The following SIMC1 variants were observed in gnomAD, a reference collection of about 807,000 sequenced individuals.
SIMC1 encodes SUMO interacting motifs containing 1, also known as SUMO-interacting motif-containing protein 1.
Under a neutral mutation model 82.3 loss-of-function variants are expected in SIMC1, and 55 were observed. The observed-to-expected ratio is 0.67, with a 90% CI of 0.54 to 0.84. SIMC1 has a LOEUF of 0.84. SIMC1 is among the 40% of genes least tolerant of loss of function. The pLI is 0.00. For synonymous variants in SIMC1, 353 were observed against 426.3 expected, an observed-to-expected ratio of 0.83 and a Z score of 2.12; for missense variants, 915 against 1,107.2, an observed-to-expected ratio of 0.83 and a Z score of 2.46.
At chr5:176,277,386 C>CA (rs1561686602) in intron 1 of SIMC1, among the ~76,000 whole-genome samples, 1 of 151,666 alleles carries the variant, frequency 6.6e-6, no homozygotes, top group Non-Finnish European at 1.5e-5. Context: ...AATTTTCTCC[C>CA]ATTTTGTAGG....
intron 1 of SIMC1, among the ~76,000 whole-genome samples, chr5:176,284,359 A>C (rs568875251): frequency 6.6e-6 from 1 of 152,372 alleles, no homozygotes; most frequent in Admixed American, 6.5e-5. Flanking sequence ...AGAACTCAGG[A>C]TTAAGAAACT....
intron 4 of SIMC1, 52 bp downstream of exon 4, chr5:176,296,372 A>C (rs1763816954): frequency 1.2e-6 from 2 of 1,612,780 alleles, no homozygotes; most frequent in African/African-American, 1.3e-5. Flanking sequence ...TTAACTATAA[A>C]GAAAAGTGAT....
At chr5:176,294,135 AG>A (rs1763702340) in intron 2 of SIMC1, among the ~76,000 whole-genome samples, 1 of 152,194 alleles carries the variant, frequency 6.6e-6, no homozygotes, top group Admixed American at 6.5e-5. Context: ...AAATCAACCT[AG>A]GCTACCTGTT....
At chr5:176,292,670 G>T (rs551643346) in intron 2 of SIMC1, among the ~76,000 whole-genome samples, 3 of 151,784 alleles carry the variant, frequency 2.0e-5, no homozygotes, top group African/African-American at 7.3e-5. Context: ...ACAGCCTCCC[G>T]CGTAGCTGGG....
At chr5:176,253,499 C>G (rs1461320985) in intron 1 of SIMC1, among the ~76,000 whole-genome samples, 1 of 152,130 alleles carries the variant, frequency 6.6e-6, no homozygotes, top group African/African-American at 2.4e-5. Context: ...CAGGCATGAG[C>G]CACTGTGCCT....
Position 176,290,956 on chromosome 5 carries a change from G to T in SIMC1, c.1431+1G>T. 6.4e-7 allele frequency: 1 copy of T among 1,567,354 alleles called. No individual in the cohort carries two copies. Among genetic ancestry groups the T allele is most frequent in the South Asian group, 1.2e-5 (1 of 82,666 alleles). On this transcript the variant is annotated splice_donor_variant, in intron 2 of 9. Transcript: ENST00000429602. LOFTEE classifies it high-confidence loss of function. Reference sequence around the variant, plus strand: ...AATACCGGATAAAGACACAAGAGAGGTGAGCTAACATCTTCCCTCAGGGAT... The same window carrying T: ...AATACCGGATAAAGACACAAGAGAGTTGAGCTAACATCTTCCCTCAGGGAT...
At chr5:176,245,341 C>T (rs1482899651) in intron 1 of SIMC1, among the ~76,000 whole-genome samples, 1 of 152,120 alleles carries the variant, frequency 6.6e-6, no homozygotes, top group Non-Finnish European at 1.5e-5. Flanking sequence ...CTGGCGACAT[C>T]AGGAGCTAAG....
At position 176,290,798 on chromosome 5, in the gene SIMC1, C is replaced by T. The variant is rs571099671; in HGVS notation, c.1274C>T (p.Ser425Leu). ...CCAGCCAGAAAAGAAATATCACTGT[C>T]AGAGCCTGCCAAACCTGGGTCTGCC... The part of the protein sequence containing the change: ...ETPARKEISL[S>L]EPAKPGSAHV... Residue 425 changes from serine to leucine, a missense_variant, in exon 2 of 10, where the codon TCA becomes TTA. Around this residue, in one of 2 missense-constraint regions of SIMC1, gnomAD observed 902 missense variants for 1,040.3 expected, o/e 0.87. Coordinates refer to ENST00000429602, the MANE Select transcript of SIMC1 (RefSeq NM_001308195.2). 7 of 1,613,432 alleles carry T rather than the reference C, an allele frequency of 4.3e-6. No homozygotes were observed. In the Admixed American group the frequency reaches 8.3e-5, roughly 19 times the overall value.
intron 5 of SIMC1, among the ~76,000 whole-genome samples, chr5:176,320,293 G>T (rs1263036872): frequency 3.3e-5 from 5 of 151,740 alleles, no homozygotes; most frequent in Admixed American, 1.3e-4. Context: ...AAGTTCTAGA[G>T]GTCTAAAAAT....
intron 1 of SIMC1, among the ~76,000 whole-genome samples, chr5:176,282,055 A>G (rs892629316): frequency 8.5e-5 from 13 of 152,376 alleles, no homozygotes; most frequent in Middle Eastern, 3.4e-3. Context: ...AGAGGCAGGC[A>G]GGCCTCCTTG....
At chr5:176,335,273 C>CTTTTTT (rs1225021593) in intron 7 of SIMC1, among the ~76,000 whole-genome samples, 6 of 98,654 alleles carry the variant, frequency 6.1e-5, no homozygotes, top group African/African-American at 7.8e-5. Flanking sequence ...TTCTTTGTAT[C>CTTTTTT]TTTTTTTTTT....
intron 1 of SIMC1, among the ~76,000 whole-genome samples, chr5:176,289,415 G>GA (rs373469647): frequency 4.9e-3 from 708 of 144,546 alleles, no homozygotes; most frequent in South Asian, 0.013. Context: ...CCTTGGACCA[G>GA]AAAAAAAAAA....
At chr5:176,255,970 G>A (rs1436967257) in intron 1 of SIMC1, among the ~76,000 whole-genome samples, 4 of 152,098 alleles carry the variant, frequency 2.6e-5, no homozygotes, top group African/African-American at 9.7e-5. Flanking sequence ...CCAAAAGGCA[G>A]AAATGTCTGA....
intron 1 of SIMC1, among the ~76,000 whole-genome samples, chr5:176,243,307 A>G (rs1489281652): frequency 6.6e-6 from 1 of 152,164 alleles, no homozygotes; most frequent in Non-Finnish European, 1.5e-5. Flanking sequence ...AACAAAACCA[A>G]AAGTTTGGAG....
chr5:176,330,318 T>C (rs1241427827), intron 7 of SIMC1, among the ~76,000 whole-genome samples: 1 of 151,688 alleles, frequency 6.6e-6, no homozygotes, highest in African/African-American at 2.4e-5. Context: ...GGAGAATCGC[T>C]TGAAATCAGG....
intron 9 of SIMC1, among the ~76,000 whole-genome samples, chr5:176,342,595 A>C (rs1281862785): frequency 2.0e-5 from 3 of 152,150 alleles, no homozygotes; most frequent in Non-Finnish European, 2.9e-5. Flanking sequence ...CCACGGCAGA[A>C]GGCTTCCTAC....
chr5:176,330,169 G>A (rs753434609), intron 7 of SIMC1, among the ~76,000 whole-genome samples: 3 of 152,182 alleles, frequency 2.0e-5, no homozygotes, highest in Admixed American at 6.5e-5. Flanking sequence ...GGGAGGCCAA[G>A]GTGGGCAGGT....
intron 1 of SIMC1, among the ~76,000 whole-genome samples, chr5:176,249,236 CT>C (rs1156430760): frequency 6.6e-6 from 1 of 151,870 alleles, no homozygotes; most frequent in Admixed American, 6.6e-5. Flanking sequence ...TGGTCCTGGG[CT>C]TTTTTTGGTT....
intron 9 of SIMC1, among the ~76,000 whole-genome samples, chr5:176,338,480 C>G (rs890777039): frequency 1.3e-5 from 2 of 152,072 alleles, no homozygotes; most frequent in Admixed American, 6.5e-5. Flanking sequence ...GTACATTGTT[C>G]GGACAATTGG....
Sources: gnomAD v4.1 joint callset for allele counts (sites outside exome capture counted in the v4.1 genomes callset) on GRCh38, gnomAD v4.1.1 for gene constraint, gnomAD v4.1.1 regional missense constraint, MANE v1.5 for transcripts, NCBI Gene and HGNC (gene_info 2026-07-23, HGNC 2026-07-21) for gene names.